The following ANXA4 variants were observed in gnomAD, a reference collection of about 807,000 sequenced individuals.
ANXA4 encodes the protein annexin A4.
A neutral mutation model predicts 49.8 loss-of-function variants in ANXA4; 39 were observed. That is an observed-to-expected ratio of 0.78 (90% CI 0.61 to 1.02). The LOEUF is 1.02. Ranked by LOEUF, ANXA4 falls within the 50% of genes least tolerant of loss-of-function variation. The pLI, the probability that ANXA4 is intolerant of heterozygous loss-of-function variation, is 0.00. For missense variants in ANXA4, 360 were observed against 410.1 expected (o/e 0.88, Z 1.05); for synonymous variants, 134 against 152.5 (o/e 0.88, Z 0.89).
In ANXA4 at chr2:69,825,581, C is replaced by A; in HGVS notation, c.*66C>A. ...GAATTTTTTTAACTTCATTTTTCTA[C>A]ACTGCTATTATCATTATCTCAGAAT... On this transcript the variant is annotated 3_prime_UTR_variant, in exon 13 of 13. Transcript: ENST00000394295. The A allele has an allele frequency of 8.3e-7, 1 of 1,206,668 alleles. No individual in the cohort carries two copies. Among genetic ancestry groups the A allele is most frequent in the Non-Finnish European group, 1.2e-6 (1 of 826,830 alleles). The allele number at this position is 1,206,668 out of a possible 1,614,324, so 74.7% of individuals were successfully genotyped here.
At chr2:69,759,196 T>C (rs1461135000) in intron 1 of ANXA4, among the ~76,000 whole-genome samples, 4 of 150,846 alleles carry the variant, frequency 2.7e-5, no homozygotes, top group Non-Finnish European at 5.9e-5. Context: ...AGTAGGGACA[T>C]TGAGTAAATT....
chr2:69,820,412 G>A (rs1384051788), intron 11 of ANXA4, among the ~76,000 whole-genome samples: 1 of 152,122 alleles, frequency 6.6e-6, no homozygotes, highest in Non-Finnish European at 1.5e-5. Flanking sequence ...CCATGAGAAG[G>A]AATCGTAGGT....
At chr2:69,665,341 T>G (rs1676896093) in intron 2 of ANXA4, among the ~76,000 whole-genome samples, 1 of 152,106 alleles carries the variant, frequency 6.6e-6, no homozygotes, top group African/African-American at 2.4e-5. Context: ...GCCAGACATG[T>G]GAATGATTCT....
chr2:69,789,013 C>T (rs890524410), intron 3 of ANXA4, among the ~76,000 whole-genome samples: 12 of 152,080 alleles, frequency 7.9e-5, no homozygotes, highest in African/African-American at 2.9e-4. Flanking sequence ...TTAATATACT[C>T]ATTATGGATT....
At chr2:69,655,104 G>A (rs1676386776) in intron 2 of ANXA4, among the ~76,000 whole-genome samples, 1 of 152,132 alleles carries the variant, frequency 6.6e-6, no homozygotes. Flanking sequence ...TACCATTCAG[G>A]ACAGAGGCCT....
Position 69,669,575 on chromosome 2 carries a change from C to T in ANXA4, n.766+16293C>T, listed in dbSNP as rs576218309. 1.4e-4 allele frequency among the ~76,000 whole-genome samples: 21 copies of T among 151,676 alleles called. No individual in the cohort carries two copies. The South Asian group carries it at 4.4e-3, about 32-fold the overall frequency. On this transcript the variant is annotated intron_variant and non_coding_transcript_variant, in intron 2 of 3. Transcript: ENST00000418066. ...GCAATGAGCCGAGATCGCGCCACTG[C>T]ACTCTAGCCTGGGCGACAGAGTGAG...
At chr2:69,814,145 C>G (rs1319208196) in intron 8 of ANXA4, among the ~76,000 whole-genome samples, 1 of 149,078 alleles carries the variant, frequency 6.7e-6, no homozygotes, top group Admixed American at 6.7e-5. Flanking sequence ...TTGTTTTATG[C>G]AAAAAAAAAG....
chr2:69,648,599 G>A (rs1254525930), intron 1 of ANXA4, among the ~76,000 whole-genome samples: 1 of 152,088 alleles, frequency 6.6e-6, no homozygotes, highest in Non-Finnish European at 1.5e-5. Context: ...CGAGGCAGGT[G>A]GATCACTTGA....
At chr2:69,812,800 T>C in intron 8 of ANXA4, 91 bp downstream of exon 8, 2 of 1,102,178 alleles carry the variant, frequency 1.8e-6, no homozygotes, top group Non-Finnish European at 2.7e-6. Flanking sequence ...TATATTACAG[T>C]GTATATTAGC....
intron 2 of ANXA4, among the ~76,000 whole-genome samples, chr2:69,653,885 T>C (rs1676342246): frequency 6.6e-6 from 1 of 152,258 alleles, no homozygotes; most frequent in Non-Finnish European, 1.5e-5. Context: ...AGTATGACCA[T>C]TTTCACAATA....
chr2:69,746,075 G>A (rs1377872204), intron 1 of ANXA4, among the ~76,000 whole-genome samples: 10 of 150,886 alleles, frequency 6.6e-5, no homozygotes, highest in Admixed American at 5.9e-4. Context: ...GCAGTCGTGC[G>A]ATCTTGGCTC....
chr2:69,676,986 T>C (rs772131404), intron 2 of ANXA4, among the ~76,000 whole-genome samples: 7 of 152,176 alleles, frequency 4.6e-5, no homozygotes, highest in Non-Finnish European at 8.8e-5. Context: ...TATTTTCGTT[T>C]TTATTTCTTG....
chr2:69,788,015 A>G, intron 2 of ANXA4, 39 bp from the exon 3 acceptor site: 1 of 1,561,782 alleles, frequency 6.4e-7, no homozygotes, highest in South Asian at 1.1e-5. Context: ...TGTTGGTGAG[A>G]GGCTGCCTCT....
At chr2:69,805,009 T>C (rs1347510261) in intron 4 of ANXA4, among the ~76,000 whole-genome samples, 1 of 123,782 alleles carries the variant, frequency 8.1e-6, no homozygotes, top group Non-Finnish European at 1.6e-5. Context: ...ATCATGCCAC[T>C]TCACTCCAGC....
intron 6 of ANXA4, chr2:69,809,507 C>G (rs1019244049): frequency 6.6e-6 from 1 of 152,126 alleles, no homozygotes; most frequent in African/African-American, 2.4e-5. Context: ...CACAGGATCT[C>G]GCTCTGTGGC....
At chr2:69,757,268 T>TATATATA (rs1559150598) in intron 1 of ANXA4, among the ~76,000 whole-genome samples, 4 of 24,044 alleles carry the variant, frequency 1.7e-4, no homozygotes, top group Admixed American at 5.6e-4. Context: ...ATATATATAT[T>TATATATA]TTTTTTTTTT....
At chr2:69,773,621 CTTTTTTTTTTTTT>C (rs67161210) in intron 1 of ANXA4, among the ~76,000 whole-genome samples, 9 of 93,056 alleles carry the variant, frequency 9.7e-5, no homozygotes, top group African/African-American at 2.2e-4. Flanking sequence ...TTCTTTCCTT[CTTTTTTTTTTTTT>C]TTTTTTTTTT....
At chr2:69,818,817 G>A in intron 10 of ANXA4, 123 bp downstream of exon 10, 1 of 614,514 alleles carries the variant, frequency 1.6e-6, no homozygotes, top group South Asian at 2.3e-5. Flanking sequence ...AATCACTCAT[G>A]TTACATTCCA....
At chr2:69,651,826 G>C (rs776945970) in intron 1 of ANXA4, among the ~76,000 whole-genome samples, 6 of 47,452 alleles carry the variant, frequency 1.3e-4, no homozygotes, top group African/African-American at 2.8e-4. Flanking sequence ...TTGGGGGGGG[G>C]GGGCGGGGAG....
Sources: allele counts gnomAD v4.1 joint callset (sites outside exome capture counted in the v4.1 genomes callset), GRCh38; gene constraint gnomAD v4.1.1; transcripts MANE v1.5; gene names NCBI Gene and HGNC (gene_info 2026-07-23, HGNC 2026-07-21).